The following PDE1A variants were observed in gnomAD, a reference collection of about 807,000 sequenced individuals.
The protein encoded by PDE1A is dual specificity calcium/calmodulin-dependent 3',5'-cyclic nucleotide phosphodiesterase 1A.
PDE1A carries 35 observed loss-of-function variants against 61.7 expected under a neutral mutation model. That is an observed-to-expected ratio of 0.57 (90% CI 0.43 to 0.75). PDE1A has a LOEUF of 0.75. Among genes scored for constraint, PDE1A ranks in the 30% least tolerant of loss-of-function variants. The pLI, the probability that PDE1A is intolerant of heterozygous loss-of-function variation, is 0.00. For synonymous variants in PDE1A, 232 were observed against 213.2 expected, an observed-to-expected ratio of 1.09 and a Z score of -0.77; for missense variants, 597 against 630.6, an observed-to-expected ratio of 0.95 and a Z score of 0.57.
chr2:182,694,162 T>C, the PDE1A span, among the ~76,000 whole-genome samples: 1 of 152,216 alleles, frequency 6.6e-6, no homozygotes. Context: ...GTATGTGGTG[T>C]GAATAGAGAC....
intron 1 of PDE1A, among the ~76,000 whole-genome samples, chr2:182,408,122 G>GT (rs1363514399): frequency 6.9e-6 from 1 of 144,514 alleles, no homozygotes; most frequent in African/African-American, 2.6e-5. Flanking sequence ...AATCACTGGT[G>GT]TAAGTCACTG....
the PDE1A span, among the ~76,000 whole-genome samples, chr2:182,708,661 C>T: frequency 6.6e-6 from 1 of 151,920 alleles, no homozygotes; most frequent in Non-Finnish European, 1.5e-5. Context: ...ATCCAATCAC[C>T]CCCATCAGGT....
intron 2 of PDE1A, among the ~76,000 whole-genome samples, chr2:182,471,076 T>G (rs1049392464): frequency 6.6e-6 from 1 of 151,706 alleles, no homozygotes; most frequent in Non-Finnish European, 1.5e-5. Context: ...TGAACTAAAT[T>G]TTTTAAGTGG....
intron 1 of PDE1A, among the ~76,000 whole-genome samples, chr2:182,303,856 T>C (rs1695401961): frequency 6.6e-6 from 1 of 152,186 alleles, no homozygotes; most frequent in South Asian, 2.1e-4. Flanking sequence ...TGCTGCTTCA[T>C]CTTGCCCTTT....
the PDE1A span, among the ~76,000 whole-genome samples, chr2:182,580,681 C>A: frequency 2.6e-5 from 4 of 152,026 alleles, no homozygotes; most frequent in Non-Finnish European, 4.4e-5. Flanking sequence ...GTACTTAGTG[C>A]CACTGTAAGT....
chr2:182,247,304 A>G (rs948387971), intron 2 of PDE1A, among the ~76,000 whole-genome samples: 2 of 152,182 alleles, frequency 1.3e-5, no homozygotes, highest in African/African-American at 4.8e-5. Context: ...GAAACTCAGT[A>G]TTTCTGTCAA....
chr2:182,333,343 C>A lies in PDE1A; in HGVS notation c.54-68929G>T, dbSNP rs189904133. Among the ~76,000 whole-genome samples the A allele has an allele frequency of 2.5e-3, 381 of 152,330 alleles. 3 individuals carry two copies. Among genetic ancestry groups the A allele is most frequent in the African/African-American group, 8.6e-3 (358 of 41,570 alleles). Reference sequence around the variant, plus strand: ...ACATAATTGGAAGTAAAACACTCCTCAGCAAATGCAAAAGGACTGAAATCA... The same window carrying A: ...ACATAATTGGAAGTAAAACACTCCTAAGCAAATGCAAAAGGACTGAAATCA... On this transcript the variant is annotated intron_variant, in intron 1 of 13. Transcript: ENST00000351439.
the PDE1A span, among the ~76,000 whole-genome samples, chr2:182,534,257 C>A: frequency 1.3e-5 from 2 of 151,926 alleles, no homozygotes; most frequent in African/African-American, 4.8e-5. Flanking sequence ...TTTAGCCAAT[C>A]CCTGTTTTTT....
the PDE1A span, among the ~76,000 whole-genome samples, chr2:182,639,292 A>G: frequency 3.4e-4 from 52 of 152,150 alleles, no homozygotes; most frequent in African/African-American, 1.2e-3. Context: ...GAAAGTGAGG[A>G]TTAAAATAAA....
chr2:182,459,322 TATA>T (rs1288325313), intron 2 of PDE1A, among the ~76,000 whole-genome samples: 1 of 152,136 alleles, frequency 6.6e-6, no homozygotes, highest in Non-Finnish European at 1.5e-5. Context: ...GAGGGAATGT[TATA>T]AGCCTCCCCC....
the PDE1A span, among the ~76,000 whole-genome samples, chr2:182,662,977 T>C: frequency 1.3e-5 from 2 of 151,782 alleles, no homozygotes; most frequent in East Asian, 1.9e-4. Flanking sequence ...CTGAAACAAA[T>C]TGACAAGAGA....
chr2:182,658,056 AAAAAAAAAAAAAAAAAC>A, the PDE1A span, among the ~76,000 whole-genome samples: 16 of 102,616 alleles, frequency 1.6e-4, no homozygotes, highest in African/African-American at 5.4e-4. Context: ...GTAAAAAAAA[AAAAAAAAAAAAAAAAAC>A]AAAAAAACTT....
intron 1 of PDE1A, among the ~76,000 whole-genome samples, chr2:182,323,627 G>A (rs769053268): frequency 1.3e-5 from 2 of 152,160 alleles, no homozygotes; most frequent in Non-Finnish European, 2.9e-5. Flanking sequence ...TCGGAGGAGC[G>A]CTGAAAAAAT....
chr2:182,617,574 G>T, the PDE1A span, among the ~76,000 whole-genome samples: 3 of 152,176 alleles, frequency 2.0e-5, no homozygotes, highest in Non-Finnish European at 4.4e-5. Flanking sequence ...TGCAGTTTAT[G>T]TCAGAAATTA....
intron 2 of PDE1A, among the ~76,000 whole-genome samples, chr2:182,488,301 C>G (rs1395908458): frequency 6.6e-6 from 1 of 152,040 alleles, no homozygotes; most frequent in Non-Finnish European, 1.5e-5. Context: ...CTCTTTTTCC[C>G]TATGTCAAAA....
chr2:182,234,370 C>G lies in PDE1A; in HGVS notation c.417+62G>C, dbSNP rs545383748. The G allele has an allele frequency of 4.5e-6, 5 of 1,100,158 alleles. No homozygotes were observed. The African/African-American group carries it at 6.3e-5, about 14-fold the overall frequency. The allele number at this position is 1,100,158 out of a possible 1,614,324, so 68.1% of individuals were successfully genotyped here. On this transcript the variant is annotated intron_variant, in intron 4 of 13. Coordinates refer to ENST00000351439, the Ensembl canonical transcript of PDE1A. ...AAGACCTATTCTCATTTTCTCATAG[C>G]CTTTTTAAGAGAATTTTTTAAAATG...
chr2:182,213,820 T>G, intron 7 of PDE1A, among the ~76,000 whole-genome samples: 2 of 80,592 alleles, frequency 2.5e-5, no homozygotes, highest in African/African-American at 8.7e-5. Flanking sequence ...ACGGGGAGAA[T>G]GGAACCAAGT....
chr2:182,574,241 AT>A, the PDE1A span, among the ~76,000 whole-genome samples: 1 of 152,092 alleles, frequency 6.6e-6, no homozygotes, highest in African/African-American at 2.4e-5. Context: ...GCCCATCCAG[AT>A]TAAGGGTGGG....
At chr2:182,439,022 T>C (rs929080632) in intron 2 of PDE1A, among the ~76,000 whole-genome samples, 4 of 151,938 alleles carry the variant, frequency 2.6e-5, no homozygotes, top group African/African-American at 9.7e-5. Flanking sequence ...TCAAGAGATA[T>C]TAACTGGGAT....
Sources: gnomAD v4.1 joint callset for allele counts (sites outside exome capture counted in the v4.1 genomes callset) on GRCh38, gnomAD v4.1.1 for gene constraint, MANE v1.5 for transcripts, NCBI Gene and HGNC (gene_info 2026-07-23, HGNC 2026-07-21) for gene names.